Variants in MACROD2 observed in about 807,000 individuals in gnomAD.
The protein encoded by MACROD2 is mono-ADP ribosylhydrolase 2, also known as ADP-ribose glycohydrolase MACROD2.
Under a neutral mutation model 70.4 loss-of-function variants are expected in MACROD2, and 36 were observed. That is an observed-to-expected ratio of 0.51 (90% CI 0.39 to 0.68). MACROD2 has a LOEUF of 0.68. MACROD2 is among the 30% of genes least tolerant of loss of function. MACROD2 has a pLI of 0.00. For synonymous variants in MACROD2, 172 were observed against 178.8 expected (o/e 0.96, Z 0.30); for missense variants, 496 against 538.4 (o/e 0.92, Z 0.78).
At chr20:14,676,071 A>C (rs1431570501) in intron 4 of MACROD2, among the ~76,000 whole-genome samples, 1 of 152,170 alleles carries the variant, frequency 6.6e-6, no homozygotes, top group Non-Finnish European at 1.5e-5. Context: ...ACCTACAAAG[A>C]GACTTAGACT....
At chr20:14,781,751 C>T (rs151324517) in intron 5 of MACROD2, among the ~76,000 whole-genome samples, 1 of 151,858 alleles carries the variant, frequency 6.6e-6, no homozygotes, top group African/African-American at 2.4e-5. Context: ...CAAGGAGCTT[C>T]TTGGCAGTCA....
intron 4 of MACROD2, among the ~76,000 whole-genome samples, chr20:14,617,743 A>T (rs1983563952): frequency 6.6e-6 from 1 of 152,148 alleles, no homozygotes; most frequent in Non-Finnish European, 1.5e-5. Context: ...ACTCAGTAAG[A>T]GTCAAGACAC....
At chr20:14,030,603 T>C (rs2053234101) in intron 2 of MACROD2, among the ~76,000 whole-genome samples, 1 of 151,654 alleles carries the variant, frequency 6.6e-6, no homozygotes, top group Admixed American at 6.6e-5. Flanking sequence ...AGAGACAGAG[T>C]TTTCCAGTGT....
chr20:15,000,709 T>C (rs1403522609), intron 5 of MACROD2, among the ~76,000 whole-genome samples: 2 of 133,738 alleles, frequency 1.5e-5, no homozygotes, highest in Middle Eastern at 4.3e-3. Context: ...CATCCAGCCA[T>C]ACAAGGTAGG....
intron 8 of MACROD2, among the ~76,000 whole-genome samples, chr20:15,832,208 C>G (rs1042630401): frequency 6.6e-6 from 1 of 152,106 alleles, no homozygotes; most frequent in African/African-American, 2.4e-5. Context: ...TTATGTGTCT[C>G]TCTGCGTGTG....
chr20:15,498,122 T>C (rs6043326), intron 7 of MACROD2, among the ~76,000 whole-genome samples: 4,509 of 152,304 alleles, frequency 0.03, 218 homozygotes, highest in African/African-American at 0.1. Flanking sequence ...TGTATAACAG[T>C]CATTGTCTCT....
intron 6 of MACROD2, among the ~76,000 whole-genome samples, chr20:15,276,074 A>G (rs549890960): frequency 6.6e-6 from 1 of 152,296 alleles, no homozygotes; most frequent in African/African-American, 2.4e-5. Context: ...TTAATAGAAT[A>G]TCATATATGT....
intron 3 of MACROD2, among the ~76,000 whole-genome samples, chr20:14,375,358 G>C (rs995993383): frequency 5.3e-5 from 8 of 152,090 alleles, no homozygotes; most frequent in African/African-American, 1.9e-4. Flanking sequence ...CCAGTAGACA[G>C]AATTATGTTT....
At position 15,896,226 on chromosome 20, in the gene MACROD2, T is replaced by C. The variant is rs183484042; in HGVS notation, c.775+10415T>C. ...TATTTTTATTTATAGATCTCTCAGC[T>C]TAATGCCCCAACACTTGGCCCCATC... On this transcript the variant is annotated intron_variant, in intron 10 of 17. Coordinates refer to ENST00000684519, the MANE Select transcript of MACROD2 (RefSeq NM_001351661.2). 2.6e-5 allele frequency among the ~76,000 whole-genome samples: 4 copies of C among 152,308 alleles called. No individual in the cohort carries two copies. In the East Asian group the frequency reaches 7.7e-4, roughly 29 times the overall value.
chr20:14,486,028 C>T (rs559579203), intron 3 of MACROD2, among the ~76,000 whole-genome samples: 3 of 152,038 alleles, frequency 2.0e-5, no homozygotes, highest in Non-Finnish European at 2.9e-5. Flanking sequence ...CTGTTTAAAA[C>T]ATACCTGTTC....
chr20:15,399,654 G>A (rs369287407), intron 6 of MACROD2, among the ~76,000 whole-genome samples: 1 of 152,208 alleles, frequency 6.6e-6, no homozygotes, highest in Non-Finnish European at 1.5e-5. Context: ...GGCACAATAA[G>A]CATTTTAAGT....
intron 6 of MACROD2, among the ~76,000 whole-genome samples, chr20:15,254,917 G>A (rs1052896852): frequency 2.1e-5 from 3 of 146,100 alleles, no homozygotes; most frequent in Non-Finnish European, 3.0e-5. Context: ...ACCATTTGGG[G>A]CCAAAGCACA....
At chr20:15,328,290 A>T (rs1021848986) in intron 6 of MACROD2, among the ~76,000 whole-genome samples, 5 of 152,102 alleles carry the variant, frequency 3.3e-5, no homozygotes, top group Non-Finnish European at 7.4e-5. Flanking sequence ...CACTGTGGCC[A>T]GAGGGAGAGA....
At chr20:15,559,798 A>G (rs559924695) in intron 8 of MACROD2, among the ~76,000 whole-genome samples, 174 of 152,308 alleles carry the variant, frequency 1.1e-3, no homozygotes, top group Non-Finnish European at 2.1e-3. Context: ...TGAAAACCCA[A>G]TTCTCAACAA....
intron 5 of MACROD2, among the ~76,000 whole-genome samples, chr20:15,156,560 C>T (rs1309391091): frequency 6.6e-6 from 1 of 152,132 alleles, no homozygotes; most frequent in Non-Finnish European, 1.5e-5. Context: ...TTTGCACCTT[C>T]AAGTTAATTA....
At chr20:15,338,176 C>G (rs2078069456) in intron 6 of MACROD2, among the ~76,000 whole-genome samples, 2 of 151,702 alleles carry the variant, frequency 1.3e-5, no homozygotes, top group African/African-American at 4.9e-5. Context: ...AACACAGACA[C>G]AAACCCCAAT....
chr20:15,399,031 T>A (rs2327933), intron 6 of MACROD2, among the ~76,000 whole-genome samples: 1 of 151,894 alleles, frequency 6.6e-6, no homozygotes, highest in African/African-American at 2.4e-5. Flanking sequence ...CTAGAGTCCC[T>A]ACCAATCTCT....
At chr20:14,267,496 T>C (rs1601416105) in intron 3 of MACROD2, among the ~76,000 whole-genome samples, 1 of 152,246 alleles carries the variant, frequency 6.6e-6, no homozygotes, top group South Asian at 2.1e-4. Context: ...AACTAATCTT[T>C]CTCAAGTATC....
chr20:14,989,473 C>A (rs528613609), intron 5 of MACROD2, among the ~76,000 whole-genome samples: 1 of 152,196 alleles, frequency 6.6e-6, no homozygotes, highest in South Asian at 2.1e-4. Context: ...CAAGAAAGGG[C>A]AGTGCAGGCA....
Sources: gnomAD v4.1 joint callset for allele counts (sites outside exome capture counted in the v4.1 genomes callset) on GRCh38, gnomAD v4.1.1 for gene constraint, MANE v1.5 for transcripts, NCBI Gene and HGNC (gene_info 2026-07-23, HGNC 2026-07-21) for gene names.